CSTA: variants seen among roughly 807,000 people sequenced by gnomAD.
The protein encoded by CSTA is cystatin A, also known as cystatin-A.
CSTA carries 9 observed loss-of-function variants against 9.2 expected under a neutral mutation model. The ratio of observed to expected loss-of-function variants is 0.97; its 90% CI spans 0.59 to 1.70. The LOEUF (loss-of-function observed/expected upper bound fraction) is 1.70. CSTA is among the 40% of genes most tolerant of loss of function. CSTA has a pLI of 0.00. For synonymous variants in CSTA, 36 were observed against 40.6 expected, an observed-to-expected ratio of 0.89 and a Z score of 0.43; for missense variants, 118 against 113.1, an observed-to-expected ratio of 1.04 and a Z score of -0.20.
At chr3:122,332,797 CAGG>C (rs1195592785) in intron 1 of CSTA, among the ~76,000 whole-genome samples, 1 of 152,194 alleles carries the variant, frequency 6.6e-6, no homozygotes, top group Non-Finnish European at 1.5e-5. Flanking sequence ...CTGCATTCAG[CAGG>C]AGATGTGTCC....
intron 1 of CSTA, among the ~76,000 whole-genome samples, chr3:122,330,066 C>T (rs2075195340): frequency 6.6e-6 from 1 of 152,184 alleles, no homozygotes. Context: ...CCCCAAGAGG[C>T]AGGTATTATT....
intron 2 of CSTA, among the ~76,000 whole-genome samples, chr3:122,338,748 A>G (rs1245688263): frequency 2.0e-5 from 3 of 152,216 alleles, no homozygotes; most frequent in Non-Finnish European, 4.4e-5. Flanking sequence ...GTTAAAAATG[A>G]TTATGTGCAA....
rs1397542384 is a variant in CSTA, at chr3:122,341,825, A to G, written c.*258A>G. ...AGTCAAGCCTAATGCAACTGGCTAAAGGATAGTACCACCCTCACCCCCACC... is the reference window on the plus strand; with the variant it reads ...AGTCAAGCCTAATGCAACTGGCTAAGGGATAGTACCACCCTCACCCCCACC... On this transcript the variant is annotated 3_prime_UTR_variant, in exon 3 of 3. Transcript: ENST00000264474. 2.3e-6 allele frequency: 1 copy of G among 439,882 alleles called. No individual in the cohort carries two copies. The highest frequency in any genetic ancestry group is 2.0e-5 in the African/African-American group (1 of 49,910). 27.2% of individuals were successfully genotyped at this position (439,882 alleles called of 1,614,324 possible). A position where few individuals can be genotyped will look rare whatever the true frequency, so the allele number is the denominator to read the frequency against.
chr3:122,329,236 GATTACAGGCGTGAGCCACCGCGCCC>G (rs1232468665), intron 1 of CSTA, among the ~76,000 whole-genome samples: 5 of 151,524 alleles, frequency 3.3e-5, no homozygotes, highest in Non-Finnish European at 4.4e-5. Context: ...AAAGTGCTGG[GATTACAGGCGTGAGCCACCGCGCCC>G]AGCCAAAATA....
chr3:122,335,974 C>CGT (rs940988768), intron 1 of CSTA, among the ~76,000 whole-genome samples: 1 of 151,600 alleles, frequency 6.6e-6, no homozygotes, highest in Non-Finnish European at 1.5e-5. Context: ...CACACACACA[C>CGT]ACACACACAC....
chr3:122,339,525 G>A (rs1485200146), intron 2 of CSTA, among the ~76,000 whole-genome samples: 2 of 152,156 alleles, frequency 1.3e-5, no homozygotes, highest in South Asian at 4.1e-4. Flanking sequence ...TGGCTGTGCT[G>A]CCTCTAATAT....
intron 1 of CSTA, 123 bp downstream of exon 1, chr3:122,325,481 T>C: frequency 1.1e-6 from 1 of 926,276 alleles, no homozygotes; most frequent in South Asian, 1.4e-5. Flanking sequence ...TTTGTTCAGG[T>C]TTCTTTACAA....
intron 1 of CSTA, among the ~76,000 whole-genome samples, chr3:122,336,409 CAAAAT>C (rs1387543611): frequency 6.6e-6 from 1 of 151,856 alleles, no homozygotes; most frequent in Non-Finnish European, 1.5e-5. Context: ...ATTTGAGTAA[CAAAAT>C]AGAGTAATGA....
At chr3:122,339,026 T>C (rs12491981) in intron 2 of CSTA, among the ~76,000 whole-genome samples, 14,332 of 152,150 alleles carry the variant, frequency 0.094, 1,314 homozygotes, top group East Asian at 0.43. Context: ...TTTTACTTCC[T>C]GGTAGTCTGG....
At chr3:122,336,345 G>T (rs1026037744) in intron 1 of CSTA, among the ~76,000 whole-genome samples, 1 of 152,160 alleles carries the variant, frequency 6.6e-6, no homozygotes, top group Admixed American at 6.5e-5. Flanking sequence ...ATGGAGGCAT[G>T]TTGAAAGAAC....
intron 1 of CSTA, among the ~76,000 whole-genome samples, chr3:122,333,559 G>GAAAGAAAGAAAGAAAGAA (rs2075217577): frequency 3.4e-5 from 4 of 119,128 alleles, no homozygotes; most frequent in Non-Finnish European, 5.0e-5. Context: ...AAGAAAGAAA[G>GAAAGAAAGAAAGAAAGAA]AAAGAAAGAA....
intron 1 of CSTA, among the ~76,000 whole-genome samples, chr3:122,329,724 A>G (rs2075193040): frequency 6.6e-6 from 1 of 152,242 alleles, no homozygotes; most frequent in African/African-American, 2.4e-5. Flanking sequence ...CTAGGAGTTT[A>G]CAGGGTAGTT....
At chr3:122,337,454 A>G in intron 1 of CSTA, 93 bp from the exon 2 acceptor site, 1 of 782,966 alleles carries the variant, frequency 1.3e-6, no homozygotes, top group Non-Finnish European at 2.2e-6. Flanking sequence ...ATCTTTGAAG[A>G]CTTTTAGGAG....
chr3:122,333,912 C>G (rs6807958), intron 1 of CSTA, among the ~76,000 whole-genome samples: 143,344 of 152,280 alleles, frequency 0.94, 68,038 homozygotes, highest in East Asian at 1. Context: ...CATAGCCTTA[C>G]ATTCTCCATT....
At chr3:122,338,553 G>A (rs1304184227) in intron 2 of CSTA, among the ~76,000 whole-genome samples, 1 of 148,208 alleles carries the variant, frequency 6.7e-6, no homozygotes, top group Non-Finnish European at 1.5e-5. Context: ...CTCAGCATAA[G>A]AAAGTTTCAG....
chr3:122,339,088 T>G (rs185608158), intron 2 of CSTA, among the ~76,000 whole-genome samples: 1 of 152,186 alleles, frequency 6.6e-6, no homozygotes, highest in Admixed American at 6.5e-5. Flanking sequence ...TTGCCAGTGA[T>G]GTGACCTTCT....
intron 1 of CSTA, among the ~76,000 whole-genome samples, chr3:122,333,577 A>AAGAAAGAAAGAC (rs2075218096): frequency 6.7e-6 from 1 of 149,788 alleles, no homozygotes; most frequent in Non-Finnish European, 1.5e-5. Flanking sequence ...GAAAGAAAGA[A>AAGAAAGAAAGAC]AGAAAGAAAG....
intron 1 of CSTA, among the ~76,000 whole-genome samples, chr3:122,333,585 A>G (rs913899538): frequency 2.7e-5 from 4 of 146,776 alleles, no homozygotes; most frequent in Non-Finnish European, 4.5e-5. Flanking sequence ...GAAAGAAAGA[A>G]AGAAAGAAGA....
chr3:122,336,356 A>AC (rs1437026668), intron 1 of CSTA, among the ~76,000 whole-genome samples: 4 of 152,214 alleles, frequency 2.6e-5, no homozygotes, highest in African/African-American at 9.7e-5. Context: ...TTGAAAGAAC[A>AC]CAGGCATCAG....
Sources: gnomAD v4.1 joint callset for allele counts (sites outside exome capture counted in the v4.1 genomes callset) on GRCh38, gnomAD v4.1.1 for gene constraint, MANE v1.5 for transcripts, NCBI Gene and HGNC (gene_info 2026-07-23, HGNC 2026-07-21) for gene names.